CTNND2: variants seen among roughly 807,000 people sequenced by gnomAD.
CTNND2 encodes catenin delta-2.
In CTNND2, 22 loss-of-function variants were observed where a neutral mutation model predicts 144.4. That is an observed-to-expected ratio of 0.15 (90% CI 0.11 to 0.22). The LOEUF is 0.22. Ranked by LOEUF, CTNND2 falls within the 10% of genes least tolerant of loss-of-function variation. The pLI is 1.00. For synonymous variants in CTNND2, 751 were observed against 695.6 expected (o/e 1.08, Z -1.25); for missense variants, 1,353 against 1,618.8 (o/e 0.84, Z 2.82).
chr5:11,018,072 G>T lies in CTNND2; in HGVS notation c.3000-14C>A. On this transcript the variant is annotated splice_polypyrimidine_tract_variant and intron_variant, in intron 17 of 21. Coordinates refer to ENST00000304623, the MANE Select transcript of CTNND2 (RefSeq NM_001332.4). ...TTTGGAGAGTGTCTGATGAAGAAAA[G>T]ACAGGAAAGGCAAGATGTGAGTGGG... The T allele has an allele frequency of 6.3e-7, 1 of 1,594,644 alleles. No homozygotes were observed. Among genetic ancestry groups the T allele is most frequent in the Non-Finnish European group, 8.6e-7 (1 of 1,162,610 alleles).
chr5:10,989,524 T>C (rs902398227), intron 19 of CTNND2, among the ~76,000 whole-genome samples: 3 of 152,170 alleles, frequency 2.0e-5, no homozygotes, highest in Non-Finnish European at 4.4e-5. Context: ...AAATCTCTCT[T>C]TCCTTTGCTA....
At chr5:11,586,878 T>C (rs562201870) in intron 2 of CTNND2, among the ~76,000 whole-genome samples, 1 of 152,200 alleles carries the variant, frequency 6.6e-6, no homozygotes, top group East Asian at 1.9e-4. Context: ...TTGTTTAAAA[T>C]GCCACCTAAA....
At chr5:11,660,259 TA>T in intron 2 of CTNND2, among the ~76,000 whole-genome samples, 1 of 152,146 alleles carries the variant, frequency 6.6e-6, no homozygotes, top group Non-Finnish European at 1.5e-5. Context: ...AATGAAAGAA[TA>T]GGAACAAGCT....
chr5:11,217,580 T>C (rs570345501), intron 10 of CTNND2, among the ~76,000 whole-genome samples: 32 of 152,300 alleles, frequency 2.1e-4, no homozygotes, highest in South Asian at 1.2e-3. Flanking sequence ...TGGCATAACA[T>C]AGGAATTTAT....
chr5:11,767,827 T>C (rs1301161638), intron 1 of CTNND2, among the ~76,000 whole-genome samples: 1 of 152,214 alleles, frequency 6.6e-6, no homozygotes, highest in Non-Finnish European at 1.5e-5. Context: ...TTCATCGCTG[T>C]TCCCCCTGGC....
intron 1 of CTNND2, among the ~76,000 whole-genome samples, chr5:11,763,600 G>A (rs2126809713): frequency 6.6e-6 from 1 of 150,694 alleles, no homozygotes; most frequent in East Asian, 1.9e-4. Flanking sequence ...AGCTTCCAAA[G>A]TAAGTAATAG....
chr5:11,336,196 T>G (rs935432502), intron 9 of CTNND2, among the ~76,000 whole-genome samples: 1 of 152,216 alleles, frequency 6.6e-6, no homozygotes, highest in African/African-American at 2.4e-5. Context: ...TCTCTGCTTT[T>G]GTTGCTTCAT....
intron 3 of CTNND2, among the ~76,000 whole-genome samples, chr5:11,508,929 C>T (rs1405375494): frequency 1.3e-5 from 2 of 151,928 alleles, no homozygotes; most frequent in South Asian, 2.1e-4. Context: ...AAAAAATTCC[C>T]AGGATACAAC....
intron 16 of CTNND2, among the ~76,000 whole-genome samples, chr5:11,047,979 A>G (rs905130574): frequency 6.6e-6 from 1 of 152,086 alleles, no homozygotes; most frequent in African/African-American, 2.4e-5. Flanking sequence ...CAGGGGTTCC[A>G]CCATTTAGGG....
At chr5:11,058,976 C>G (rs1411335420) in intron 16 of CTNND2, among the ~76,000 whole-genome samples, 7 of 152,190 alleles carry the variant, frequency 4.6e-5, no homozygotes, top group African/African-American at 1.4e-4. Context: ...GCTGTATTTA[C>G]CCAATATCTC....
intron 16 of CTNND2, among the ~76,000 whole-genome samples, chr5:11,081,475 G>A (rs183966318): frequency 6.6e-6 from 1 of 152,214 alleles, no homozygotes; most frequent in Admixed American, 6.5e-5. Context: ...TTCGGATTTG[G>A]GAATATTGGC....
intron 11 of CTNND2, among the ~76,000 whole-genome samples, chr5:11,164,459 A>T (rs1240513473): frequency 3.9e-5 from 6 of 152,174 alleles, no homozygotes. Context: ...TCATTCATTT[A>T]TCCATTCCAT....
Position 11,117,522 on chromosome 5 carries a change from C to G in CTNND2, c.2205G>C (p.Glu735Asp), listed in dbSNP as rs1311388278. The G allele has an allele frequency of 2.5e-6, 4 of 1,614,086 alleles. No individual in the cohort carries two copies. The African/African-American group carries it at 4.0e-5, about 16-fold the overall frequency. ...AGEEARRRMR[E>D]CDGLTDALLY... ...GCAAGGCATCCGTAAGCCCATCACACTCTCTCATCCTTCTGCGGGCCTCCT... is the reference window on the plus strand; with the variant it reads ...GCAAGGCATCCGTAAGCCCATCACAGTCTCTCATCCTTCTGCGGGCCTCCT... Residue 735 changes from glutamate to aspartate, a missense_variant, in exon 13 of 22, where the codon GAG becomes GAC. By Grantham distance (45) the Glu-to-Asp change is conservative. Coordinates refer to ENST00000304623, the MANE Select transcript of CTNND2 (RefSeq NM_001332.4).
chr5:11,698,309 GA>G (rs1785233786), intron 2 of CTNND2, among the ~76,000 whole-genome samples: 1 of 144,182 alleles, frequency 6.9e-6, no homozygotes, highest in African/African-American at 2.6e-5. Flanking sequence ...TTTTTTTTGA[GA>G]CGGAGTCTCG....
intron 12 of CTNND2, among the ~76,000 whole-genome samples, chr5:11,134,895 A>G (rs943822319): frequency 3.3e-5 from 5 of 152,226 alleles, no homozygotes; most frequent in Non-Finnish European, 7.3e-5. Flanking sequence ...CAAGAATTAT[A>G]AAGCTGCACA....
intron 12 of CTNND2, among the ~76,000 whole-genome samples, chr5:11,140,600 T>G (rs1417158660): frequency 6.6e-6 from 1 of 152,178 alleles, no homozygotes; most frequent in South Asian, 2.1e-4. Context: ...TACCAGTTCC[T>G]ACTGTGATGT....
intron 9 of CTNND2, among the ~76,000 whole-genome samples, chr5:11,239,358 G>A (rs1377590528): frequency 6.6e-6 from 1 of 152,142 alleles, no homozygotes; most frequent in Non-Finnish European, 1.5e-5. Context: ...AGGGATCCAC[G>A]TCCCTCACAC....
chr5:11,016,428 A>G (rs1741606275), intron 18 of CTNND2, among the ~76,000 whole-genome samples: 1 of 152,248 alleles, frequency 6.6e-6, no homozygotes, highest in Non-Finnish European at 1.5e-5. Context: ...TGAGACAGCT[A>G]TTAAATATTT....
intron 3 of CTNND2, among the ~76,000 whole-genome samples, chr5:11,415,102 C>T (rs181276437): frequency 3.0e-4 from 45 of 152,276 alleles, no homozygotes; most frequent in Non-Finnish European, 5.3e-4. Context: ...TCATATTCCT[C>T]TGTAATGGGA....
Sources: allele counts gnomAD v4.1 joint callset (sites outside exome capture counted in the v4.1 genomes callset), GRCh38; gene constraint gnomAD v4.1.1; transcripts MANE v1.5; gene names NCBI Gene and HGNC (gene_info 2026-07-23, HGNC 2026-07-21).